The following GKAP1 variants were observed in gnomAD, a reference collection of about 807,000 sequenced individuals.
The protein encoded by GKAP1 is G kinase-anchoring protein 1.
A neutral mutation model predicts 56.7 loss-of-function variants in GKAP1; 31 were observed. That is an observed-to-expected ratio of 0.55 (90% CI 0.41 to 0.74). GKAP1 has a LOEUF of 0.74. Among genes scored for constraint, GKAP1 ranks in the 30% least tolerant of loss-of-function variants. GKAP1 has a pLI of 0.00. For synonymous variants in GKAP1, 151 were observed against 138.6 expected (o/e 1.09, Z -0.63); for missense variants, 364 against 402.3 (o/e 0.90, Z 0.82).
chr9:83,745,931 T>C (rs1405081483), intron 10 of GKAP1, among the ~76,000 whole-genome samples: 1 of 151,918 alleles, frequency 6.6e-6, no homozygotes, highest in African/African-American at 2.4e-5. Context: ...GCTGGGATTA[T>C]AGGCAAGCAC....
chr9:83,745,164 G>A (rs1219982245), intron 10 of GKAP1, among the ~76,000 whole-genome samples: 1 of 152,048 alleles, frequency 6.6e-6, no homozygotes, highest in Non-Finnish European at 1.5e-5. Context: ...CCAAGCAGCT[G>A]GGACCATAGG....
intron 7 of GKAP1, among the ~76,000 whole-genome samples, chr9:83,775,525 T>G (rs538389753): frequency 1.3e-5 from 2 of 151,984 alleles, no homozygotes; most frequent in Admixed American, 6.6e-5. Context: ...GAAAACAACT[T>G]GATGGATGAC....
chr9:83,798,251 T>C (rs900599793), intron 4 of GKAP1, among the ~76,000 whole-genome samples: 44 of 152,252 alleles, frequency 2.9e-4, no homozygotes, highest in Admixed American at 2.7e-3. Flanking sequence ...CATCAAATGA[T>C]AGTTTGACAG....
rs118121698 is a variant in GKAP1 at position 83,796,788 on chromosome 9, C to T, written c.360+2397G>A. The stretch of plus-strand genomic sequence containing the variant: ...GGCCCCATCTCAGTTTTAATTCACC[C>T]GTCTCCCTTTTAATTTCTCTCAGTC... On this transcript the variant is annotated intron_variant, in intron 4 of 12. Coordinates refer to ENST00000376371, the MANE Select transcript of GKAP1 (RefSeq NM_025211.4). 4.4e-3 allele frequency among the ~76,000 whole-genome samples: 668 copies of T among 152,174 alleles called. 18 individuals carry two copies. The highest frequency in any genetic ancestry group is 0.038 in the Admixed American group (578 of 15,274).
chr9:83,803,596 C>T (rs957394985), intron 3 of GKAP1, among the ~76,000 whole-genome samples: 15 of 152,208 alleles, frequency 9.9e-5, no homozygotes, highest in Non-Finnish European at 1.6e-4. Context: ...GTGATCTCAG[C>T]TCGCTACAAC....
At chr9:83,803,738 T>C (rs1456883324) in intron 3 of GKAP1, among the ~76,000 whole-genome samples, 1 of 146,996 alleles carries the variant, frequency 6.8e-6, no homozygotes, top group Non-Finnish European at 1.5e-5. Context: ...GAGGAGCCCC[T>C]CTGCCTGGCT....
intron 2 of GKAP1, among the ~76,000 whole-genome samples, chr9:83,810,660 C>T (rs1240151596): frequency 1.3e-5 from 2 of 152,216 alleles, no homozygotes; most frequent in African/African-American, 4.8e-5. Context: ...GAATGCCCAT[C>T]ACACCCAACT....
chr9:83,772,694 G>C (rs1943782719), intron 7 of GKAP1, among the ~76,000 whole-genome samples: 1 of 152,188 alleles, frequency 6.6e-6, no homozygotes, highest in South Asian at 2.1e-4. Flanking sequence ...TGCAAATCAT[G>C]TATCTGATAG....
At chr9:83,811,216 GAA>G (rs1944501938) in intron 2 of GKAP1, among the ~76,000 whole-genome samples, 1 of 152,160 alleles carries the variant, frequency 6.6e-6, no homozygotes, top group Admixed American at 6.5e-5. Context: ...TAACTCCATT[GAA>G]AAGTGTTTTG....
intron 9 of GKAP1, among the ~76,000 whole-genome samples, chr9:83,750,366 A>G (rs1371842416): frequency 6.6e-6 from 1 of 152,236 alleles, no homozygotes. Flanking sequence ...CACTGTCTAA[A>G]AAAGTAGCCA....
At chr9:83,742,119 C>G in intron 11 of GKAP1, 90 bp from the exon 12 acceptor site, 1 of 757,362 alleles carries the variant, frequency 1.3e-6, no homozygotes, top group Non-Finnish European at 2.2e-6. Context: ...AGGTTTTTGA[C>G]AGCTAAATGG....
chr9:83,773,971 TTTA>T (rs1943807256), intron 7 of GKAP1, among the ~76,000 whole-genome samples: 2 of 152,104 alleles, frequency 1.3e-5, no homozygotes, highest in African/African-American at 4.8e-5. Flanking sequence ...TTATTCCTAC[TTTA>T]TTATTACTAT....
chr9:83,744,743 C>G (rs1013223705), intron 10 of GKAP1, among the ~76,000 whole-genome samples: 1 of 152,006 alleles, frequency 6.6e-6, no homozygotes, highest in Non-Finnish European at 1.5e-5. Context: ...TAAAGAACTG[C>G]CTGAGAATGG....
At position 83,757,908 on chromosome 9, in the gene GKAP1, C is replaced by T. The variant is rs76998083; in HGVS notation, c.739-4549G>A. 6.2e-3 allele frequency among the ~76,000 whole-genome samples: 931 copies of T among 150,986 alleles called. 11 individuals are homozygous for T. Among genetic ancestry groups the T allele is most frequent in the African/African-American group, 0.021 (884 of 41,192 alleles). On this transcript the variant is annotated intron_variant, in intron 8 of 12. Transcript: ENST00000376371. The stretch of plus-strand genomic sequence containing the variant: ...ATGAGGAAACCAAAAACTGAAATGA[C>T]AGAAGTCAAGCCAAATGCTTGGTAT...
intron 9 of GKAP1, among the ~76,000 whole-genome samples, chr9:83,751,071 G>A (rs931892149): frequency 2.0e-5 from 3 of 152,070 alleles, no homozygotes; most frequent in Admixed American, 1.3e-4. Flanking sequence ...TCCTGACCTC[G>A]TGATCCGCCT....
intron 3 of GKAP1, among the ~76,000 whole-genome samples, chr9:83,800,532 C>A (rs1944315683): frequency 6.6e-6 from 1 of 152,096 alleles, no homozygotes; most frequent in Admixed American, 6.5e-5. Context: ...TGGGTTTTCA[C>A]CATGTTGGCC....
At position 83,812,330 on chromosome 9, in the gene GKAP1, C is replaced by T. The variant is rs183923600; in HGVS notation, c.-44+4666G>A. ...ATACATATATATGTATATATACACA[C>T]GTATATATATACACGTATATATATA... On this transcript the variant is annotated intron_variant, in intron 2 of 12. Coordinates refer to ENST00000376371, the MANE Select transcript of GKAP1 (RefSeq NM_025211.4). Among the ~76,000 whole-genome samples, 700 of 146,766 alleles carry T rather than the reference C, an allele frequency of 4.8e-3. 3 individuals are homozygous for T. Among genetic ancestry groups the T allele is most frequent in the African/African-American group, 0.016 (642 of 40,180 alleles).
At chr9:83,815,158 G>C (rs777306209) in intron 2 of GKAP1, among the ~76,000 whole-genome samples, 7 of 152,064 alleles carry the variant, frequency 4.6e-5, no homozygotes, top group Non-Finnish European at 8.8e-5. Context: ...GCAACAGAGC[G>C]AGAGACTGTC....
intron 3 of GKAP1, among the ~76,000 whole-genome samples, chr9:83,803,462 C>T (rs1484955591): frequency 2.0e-5 from 3 of 152,230 alleles, no homozygotes; most frequent in Non-Finnish European, 4.4e-5. Context: ...GCTGTGTTGG[C>T]CGGGCTGGTC....
Sources: allele counts gnomAD v4.1 joint callset (sites outside exome capture counted in the v4.1 genomes callset), GRCh38; gene constraint gnomAD v4.1.1; transcripts MANE v1.5; gene names NCBI Gene and HGNC (gene_info 2026-07-23, HGNC 2026-07-21).